Variants in ZNF3 observed in about 807,000 individuals in gnomAD.
The protein encoded by ZNF3 is zinc finger protein 3.
ZNF3 carries 16 observed loss-of-function variants against 36.9 expected under a neutral mutation model. That is an observed-to-expected ratio of 0.43 (90% CI 0.29 to 0.66). The LOEUF (loss-of-function observed/expected upper bound fraction) is 0.66, where lower values mean the gene tolerates loss of function less well. Ranked by LOEUF, ZNF3 falls within the 30% of genes least tolerant of loss-of-function variation. ZNF3 has a pLI of 0.13. For missense variants in ZNF3, 462 were observed against 543.1 expected, an observed-to-expected ratio of 0.85 and a Z score of 1.48; for synonymous variants, 201 against 201.9, an observed-to-expected ratio of 1.00 and a Z score of 0.04.
downstream of ZNF3, among the ~76,000 whole-genome samples, chr7:100,067,718 C>T (rs954108653): frequency 2.9e-4 from 44 of 152,162 alleles, 2 homozygotes; most frequent in Admixed American, 4.6e-4. Context: ...TACATGAAAA[C>T]CACTCGGAAA....
chr7:100,068,111 C>G (rs1792737749), downstream of ZNF3, among the ~76,000 whole-genome samples: 1 of 151,978 alleles, frequency 6.6e-6, no homozygotes, highest in Non-Finnish European at 1.5e-5. Context: ...TTCTTCGAGA[C>G]AGTCTCGCTC....
intron 3 of ZNF3, 88 bp from the exon 4 acceptor site, chr7:100,075,718 G>T: frequency 2.3e-6 from 3 of 1,284,934 alleles, no homozygotes; most frequent in Non-Finnish European, 3.3e-6. Flanking sequence ...GAAAGCTCCC[G>T]GGGTCCTGGG....
chr7:100,082,471 AGCT>A (rs1246402226), upstream of ZNF3: 1 of 152,388 alleles, frequency 6.6e-6, no homozygotes, highest in Non-Finnish European at 1.5e-5. Flanking sequence ...CTGTAATCCC[AGCT>A]ACTCTGGAGG....
Position 100,070,676 on chromosome 7 carries a change from T to G in ZNF3, c.*467A>C. On this transcript the variant is annotated 3_prime_UTR_variant, in exon 6 of 6. Coordinates refer to ENST00000299667, the MANE Select transcript of ZNF3 (RefSeq NM_032924.5). ...AAATCATGAAACAAAACAGCATGTT[T>G]CTTACCGAAACTTAAAGCTGGACTA... The G allele has an allele frequency of 2.0e-6, 2 of 992,126 alleles. No homozygotes were observed. Among genetic ancestry groups the G allele is most frequent in the Non-Finnish European group, 2.4e-6 (2 of 833,712 alleles). 61.5% of individuals were successfully genotyped at this position (992,126 alleles called of 1,614,324 possible).
At chr7:100,073,860 A>G (rs1190711527) in intron 5 of ZNF3, among the ~76,000 whole-genome samples, 1 of 151,896 alleles carries the variant, frequency 6.6e-6, no homozygotes, top group Non-Finnish European at 1.5e-5. Context: ...TAACACGGAA[A>G]AAGTATCAGA....
At chr7:100,066,950 G>A (rs554069050), downstream of ZNF3, among the ~76,000 whole-genome samples, 72 of 152,278 alleles carry the variant, frequency 4.7e-4, no homozygotes, top group South Asian at 8.3e-3. Context: ...CAGGAGAATT[G>A]CTTCAACCTA....
intron 5 of ZNF3, among the ~76,000 whole-genome samples, chr7:100,072,851 T>C (rs1793435923): frequency 6.6e-6 from 1 of 152,258 alleles, no homozygotes; most frequent in Non-Finnish European, 1.5e-5. Flanking sequence ...GTCTCTGTTT[T>C]CACTCCTTTT....
chr7:100,066,605 C>T (rs192433900), downstream of ZNF3, among the ~76,000 whole-genome samples: 17 of 151,368 alleles, frequency 1.1e-4, no homozygotes, highest in Middle Eastern at 6.9e-3. Context: ...GGCGTGGTGG[C>T]GGGCACCTGT....
chr7:100,082,279 G>A (rs1054303473), upstream of ZNF3: 1 of 152,330 alleles, frequency 6.6e-6, no homozygotes, highest in Non-Finnish European at 1.5e-5. Flanking sequence ...CAGGTGATGA[G>A]AGCAGAGAAG....
rs1001399229 is a variant in ZNF3, at chr7:100,070,074, A to G, written c.*1069T>C. The stretch of plus-strand genomic sequence containing the variant: ...GAAGGTCATCCCGTCGGTTGGGAAA[A>G]CTCGGGGAGTGCCATCCTCACCCAG... On this transcript the variant is annotated 3_prime_UTR_variant, in exon 6 of 6. Transcript: ENST00000299667. 6 of 985,272 alleles carry G rather than the reference A, an allele frequency of 6.1e-6. No homozygotes were observed. The African/African-American group carries it at 1.1e-4, about 17-fold the overall frequency. 61.0% of individuals were successfully genotyped at this position (985,272 alleles called of 1,614,324 possible).
chr7:100,073,855 C>T (rs79150486), intron 5 of ZNF3, among the ~76,000 whole-genome samples: 1,596 of 151,874 alleles, frequency 0.011, 27 homozygotes, highest in African/African-American at 0.036. Flanking sequence ...GAGAATAACA[C>T]GGAAAAAGTA....
chr7:100,075,729 A>T, intron 3 of ZNF3, 99 bp from the exon 4 acceptor site: 3 of 1,057,586 alleles, frequency 2.8e-6, no homozygotes, highest in Non-Finnish European at 4.3e-6. Flanking sequence ...GGGTCCTGGG[A>T]CAACACAGGA....
At chr7:100,073,236 TGA>T in intron 5 of ZNF3, among the ~76,000 whole-genome samples, 1 of 152,114 alleles carries the variant, frequency 6.6e-6, no homozygotes, top group Non-Finnish European at 1.5e-5. Context: ...AGGTCTCAAA[TGA>T]GAGTTAGGAA....
downstream of ZNF3, among the ~76,000 whole-genome samples, chr7:100,067,298 C>T (rs980416699): frequency 1.6e-4 from 25 of 152,192 alleles, no homozygotes; most frequent in African/African-American, 6.0e-4. Flanking sequence ...TCCGAGATAA[C>T]ATAGGTGTTT....
downstream of ZNF3, among the ~76,000 whole-genome samples, chr7:100,065,916 A>C (rs1048540790): frequency 3.4e-5 from 5 of 145,618 alleles, no homozygotes; most frequent in African/African-American, 1.3e-4. Flanking sequence ...GATCCGTGTC[A>C]TACTAGATCC....
chr7:100,077,406 G>A lies in ZNF3; in HGVS notation c.-49C>T, dbSNP rs1400612494. ...CTCCTGGGTGCAGACTCAGCGGGAA[G>A]CGGGTTTTAAAAGAGAATGAGGAAG... On this transcript the variant is annotated 5_prime_UTR_variant, in exon 3 of 6. Transcript: ENST00000299667. 1.2e-6 allele frequency: 2 copies of A among 1,613,270 alleles called. No homozygotes were observed. Among genetic ancestry groups the A allele is most frequent in the South Asian group, 2.2e-5 (2 of 91,060 alleles).
At chr7:100,073,338 T>A (rs1046476220) in intron 5 of ZNF3, among the ~76,000 whole-genome samples, 1 of 152,106 alleles carries the variant, frequency 6.6e-6, no homozygotes, top group African/African-American at 2.4e-5. Context: ...AACTAATTTA[T>A]TAATCTTTCT....
In ZNF3 at chr7:100,077,428, G is replaced by A. The variant is rs1794302919; in HGVS notation, c.-71C>T. Reference sequence around the variant, plus strand: ...GAAGCGGGTTTTAAAAGAGAATGAGGAAGCACTGCAGAAGCAAAAGTTCAA... The same window carrying A: ...GAAGCGGGTTTTAAAAGAGAATGAGAAAGCACTGCAGAAGCAAAAGTTCAA... On this transcript the variant is annotated 5_prime_UTR_variant, in exon 3 of 6. Transcript: ENST00000299667. 1 of 1,611,412 alleles carries A rather than the reference G, an allele frequency of 6.2e-7. No homozygotes were observed. The highest frequency in any genetic ancestry group is 1.3e-5 in the African/African-American group (1 of 74,754).
At chr7:100,082,107 G>T (rs542038736), upstream of ZNF3, among the ~76,000 whole-genome samples, 1 of 152,296 alleles carries the variant, frequency 6.6e-6, no homozygotes, top group South Asian at 2.1e-4. Flanking sequence ...TACAATTATT[G>T]AAGGATTCAT....
Sources: gnomAD v4.1 joint callset for allele counts (sites outside exome capture counted in the v4.1 genomes callset) on GRCh38, gnomAD v4.1.1 for gene constraint, MANE v1.5 for transcripts, NCBI Gene and HGNC (gene_info 2026-07-23, HGNC 2026-07-21) for gene names.